Variants in OSBPL1A observed in about 807,000 individuals in gnomAD.
The protein encoded by OSBPL1A is oxysterol binding protein like 1A, also known as oxysterol-binding protein-related protein 1.
OSBPL1A carries 80 observed loss-of-function variants against 137.1 expected under a neutral mutation model. The ratio of observed to expected loss-of-function variants is 0.58; its 90% confidence interval spans 0.49 to 0.70. OSBPL1A has a LOEUF of 0.70. OSBPL1A is among the 30% of genes least tolerant of loss of function. The pLI is 0.00. For missense variants in OSBPL1A, 970 were observed against 1,129.4 expected (o/e 0.86, Z 2.02); for synonymous variants, 365 against 389.7 (o/e 0.94, Z 0.75).
At position 24,220,586 on chromosome 18, in the gene OSBPL1A, T is replaced by TCA. The variant is rs141427994; in HGVS notation, c.1601+4454_1601+4455dup. Reference sequence around the variant, plus strand: ...GGGCTCTTGCTCTTTTCCTTACTGCTCACTGCTCCTGGGTTCTCTGAAAAT... The same window carrying TCA: ...GGGCTCTTGCTCTTTTCCTTACTGCTCACACTGCTCCTGGGTTCTCTGAAAAT... On this transcript the variant is annotated intron_variant, in intron 17 of 27. Coordinates refer to ENST00000319481, the MANE Select transcript of OSBPL1A (RefSeq NM_080597.4). Among the ~76,000 whole-genome samples, 11 of 152,276 alleles carry TCA rather than the reference T, an allele frequency of 7.2e-5. No individual in the cohort carries two copies. The East Asian group carries it at 2.1e-3, about 29-fold the overall frequency.
At chr18:24,247,569 C>A (rs1171868849) in intron 15 of OSBPL1A, among the ~76,000 whole-genome samples, 1 of 152,070 alleles carries the variant, frequency 6.6e-6, no homozygotes, top group South Asian at 2.1e-4. Context: ...CTCAAGTGAT[C>A]CTCCCACCTC....
rs199969253 is a variant in OSBPL1A at position 24,239,344 on chromosome 18, G to T, written c.1320C>A (p.Asn440Lys). 1 of 1,613,836 alleles carries T rather than the reference G, an allele frequency of 6.2e-7. No homozygotes were observed. Among genetic ancestry groups the T allele is most frequent in the Non-Finnish European group, 8.5e-7 (1 of 1,179,924 alleles). ...TCTCCAGTGCTTCTGACAAGATTTT[G>T]TTTTTTTCTTGCTCTTGTTCCAATT... The part of the protein sequence containing the change: ...NFKLEQEQEK[N>K]KILSEALETL... The change falls in exon 16 of 28, where the codon AAC (asparagine) becomes AAA (lysine). Residue 440 changes from asparagine (N) to lysine (K), a missense_variant. Asn to Lys is a moderately conservative substitution (Grantham distance 94, BLOSUM62 0). This residue lies in a region of OSBPL1A where 647 missense variants were observed against 672.6 expected (regional missense o/e 0.96). Coordinates refer to ENST00000319481, the MANE Select transcript of OSBPL1A (RefSeq NM_080597.4).
Position 24,170,433 on chromosome 18 carries a change from A to G in OSBPL1A, c.2312T>C (p.Leu771Pro). ...QDKSKKKLCALYGKWTECLYS... is the reference protein window; with the variant it reads ...QDKSKKKLCAPYGKWTECLYS... ...TAAACATTCAGTCCACTTCCCATAGAGGGCACAGAGCTTCTTTTTGCTGTC... is the reference window on the plus strand; with the variant it reads ...TAAACATTCAGTCCACTTCCCATAGGGGGCACAGAGCTTCTTTTTGCTGTC... The change falls in exon 24 of 28, where the codon CTC becomes CCC. Residue 771 changes from leucine (L) to proline (P), a missense_variant. Physicochemically the swap from Leu to Pro is moderately conservative, Grantham distance 98. Transcript: ENST00000319481. The G allele has an allele frequency of 6.2e-7, 1 of 1,614,088 alleles. No individual in the cohort carries two copies. The highest frequency in any genetic ancestry group is 8.5e-7 in the Non-Finnish European group (1 of 1,180,024).
At chr18:24,243,212 G>A (rs951821066) in intron 15 of OSBPL1A, among the ~76,000 whole-genome samples, 2 of 152,112 alleles carry the variant, frequency 1.3e-5, no homozygotes, top group East Asian at 1.9e-4. Flanking sequence ...AGCAACAGGC[G>A]AGATTCTGTC....
At chr18:24,208,535 T>C (rs558274002) in intron 17 of OSBPL1A, among the ~76,000 whole-genome samples, 7 of 152,224 alleles carry the variant, frequency 4.6e-5, no homozygotes, top group African/African-American at 7.2e-5. Context: ...TTCTCTCCAT[T>C]TGAAAGGCTA....
intron 4 of OSBPL1A, among the ~76,000 whole-genome samples, chr18:24,350,653 A>C (rs564646137): frequency 6.6e-6 from 1 of 152,256 alleles, no homozygotes; most frequent in East Asian, 1.9e-4. Flanking sequence ...TCACACACAC[A>C]GGAACAGGAA....
At chr18:24,266,093 C>G (rs1343320651) in intron 15 of OSBPL1A, among the ~76,000 whole-genome samples, 1 of 152,180 alleles carries the variant, frequency 6.6e-6, no homozygotes. Context: ...CCGTGTTAGA[C>G]AAAAGAACGT....
At chr18:24,359,132 C>T (rs1281354182) in intron 4 of OSBPL1A, among the ~76,000 whole-genome samples, 1 of 151,890 alleles carries the variant, frequency 6.6e-6, no homozygotes, top group East Asian at 1.9e-4. Context: ...GTGGGAGGAT[C>T]ACTTGAGCTC....
chr18:24,298,404 T>G (rs1279171119), intron 14 of OSBPL1A, among the ~76,000 whole-genome samples: 2 of 152,240 alleles, frequency 1.3e-5, no homozygotes, highest in Non-Finnish European at 2.9e-5. Context: ...TGGAGTGCAG[T>G]GGTGCGATCT....
intron 17 of OSBPL1A, among the ~76,000 whole-genome samples, chr18:24,201,163 A>G (rs77790988): frequency 0.02 from 3,025 of 152,268 alleles, 109 homozygotes; most frequent in African/African-American, 0.068. Context: ...ACTGGCAGTG[A>G]TATGTCCTGG....
chr18:24,209,801 T>C (rs1392629440), intron 17 of OSBPL1A, among the ~76,000 whole-genome samples: 3 of 152,198 alleles, frequency 2.0e-5, no homozygotes, highest in Non-Finnish European at 4.4e-5. Context: ...GATTCATTTA[T>C]AATGCAGTTC....
intron 14 of OSBPL1A, among the ~76,000 whole-genome samples, chr18:24,301,843 C>T (rs2090406422): frequency 6.6e-6 from 1 of 152,140 alleles, no homozygotes; most frequent in South Asian, 2.1e-4. Context: ...ACTTATGGTC[C>T]ATTTACTCTA....
At position 24,312,215 on chromosome 18, in the gene OSBPL1A, T is replaced by C. The variant is rs932809619; in HGVS notation, c.970-109A>G. 4.4e-6 allele frequency: 6 copies of C among 1,358,918 alleles called. No individual in the cohort carries two copies. The African/African-American group carries it at 8.8e-5, about 20-fold the overall frequency. 84.2% of individuals were successfully genotyped at this position (1,358,918 alleles called of 1,614,324 possible). A position where few individuals can be genotyped will look rare whatever the true frequency, so the allele number is the denominator to read the frequency against. ...AATTTACCTAGTGAAATAAATATTA[T>C]GGCCTCAAAAGGGAAAGCAAAGCAA... On this transcript the variant is annotated intron_variant, in intron 12 of 27. Transcript: ENST00000319481.
chr18:24,318,948 A>G (rs932265604), intron 7 of OSBPL1A, 139 bp from the exon 8 acceptor site: 1 of 725,870 alleles, frequency 1.4e-6, no homozygotes. Context: ...TACCTACCAG[A>G]GAGAGGTTGC....
At chr18:24,363,581 G>A (rs1204199005) in intron 4 of OSBPL1A, among the ~76,000 whole-genome samples, 1 of 151,280 alleles carries the variant, frequency 6.6e-6, no homozygotes, top group Non-Finnish European at 1.5e-5. Flanking sequence ...CGAGTAGCTG[G>A]GATTACAGGA....
intron 14 of OSBPL1A, among the ~76,000 whole-genome samples, chr18:24,284,738 T>A (rs1310921267): frequency 2.0e-5 from 3 of 152,228 alleles, no homozygotes; most frequent in Non-Finnish European, 4.4e-5. Context: ...CTAAAAACAG[T>A]CTTCAAAATA....
At chr18:24,315,725 A>G (rs2090711583) in intron 11 of OSBPL1A, among the ~76,000 whole-genome samples, 1 of 123,364 alleles carries the variant, frequency 8.1e-6, no homozygotes, top group African/African-American at 3.2e-5. Context: ...AATATATGTA[A>G]TATATTATAT....
intron 1 of OSBPL1A, among the ~76,000 whole-genome samples, chr18:24,388,118 T>C (rs967318746): frequency 6.6e-6 from 1 of 152,206 alleles, no homozygotes; most frequent in African/African-American, 2.4e-5. Context: ...GAGAGTGGTC[T>C]GACTTGCTCT....
chr18:24,303,125 C>A (rs2090434989), intron 14 of OSBPL1A, among the ~76,000 whole-genome samples: 1 of 151,952 alleles, frequency 6.6e-6, no homozygotes, highest in Non-Finnish European at 1.5e-5. Flanking sequence ...CTCAGCCTCC[C>A]GAGTAGCTGG....
Sources: allele counts gnomAD v4.1 joint callset (sites outside exome capture counted in the v4.1 genomes callset), GRCh38; gene constraint gnomAD v4.1.1; regional missense constraint gnomAD v4.1.1; transcripts MANE v1.5; gene names NCBI Gene and HGNC (gene_info 2026-07-23, HGNC 2026-07-21).